Variants in FOCAD observed in about 807,000 individuals in gnomAD.
The protein encoded by FOCAD is focadhesin.
Under a neutral mutation model 225.6 loss-of-function variants are expected in FOCAD, and 198 were observed. The observed-to-expected ratio is 0.88, with a 90% CI of 0.78 to 0.99. The LOEUF is 0.99. Among genes scored for constraint, FOCAD ranks in the 50% least tolerant of loss-of-function variants. The pLI, the probability that FOCAD is intolerant of heterozygous loss-of-function variation, is 0.00. For synonymous variants in FOCAD, 897 were observed against 755.0 expected (o/e 1.19, Z -3.08); for missense variants, 2,713 against 2,123.6 (o/e 1.28, Z -5.46).
chr9:20,983,562 C>T (rs1262839405), intron 39 of FOCAD, among the ~76,000 whole-genome samples: 8 of 135,272 alleles, frequency 5.9e-5, no homozygotes, highest in African/African-American at 2.3e-4. Context: ...CAGAACGAGA[C>T]TCTGTCTCAA....
At chr9:20,657,182 C>A (rs1489089594), upstream of FOCAD, among the ~76,000 whole-genome samples, 2 of 151,796 alleles carry the variant, frequency 1.3e-5, no homozygotes, top group Non-Finnish European at 2.9e-5. Flanking sequence ...TGAGGGTAAC[C>A]TGACCTTTCT....
intron 28 of FOCAD, among the ~76,000 whole-genome samples, chr9:20,941,976 A>C (rs1309807485): frequency 6.6e-6 from 1 of 152,240 alleles, no homozygotes; most frequent in East Asian, 1.9e-4. Context: ...TAAACACATT[A>C]AAATATAGAA....
intron 24 of FOCAD, among the ~76,000 whole-genome samples, chr9:20,919,345 T>C (rs199749408): frequency 1.3e-5 from 2 of 152,184 alleles, no homozygotes; most frequent in African/African-American, 4.8e-5. Context: ...ACATTCCATG[T>C]TCCTGGGTAG....
intron 5 of FOCAD, among the ~76,000 whole-genome samples, chr9:20,752,416 A>G (rs1043650793): frequency 3.9e-5 from 6 of 152,048 alleles, no homozygotes; most frequent in African/African-American, 1.4e-4. Context: ...TAAATAGGGA[A>G]TCCTTTCCCC....
At chr9:20,913,096 G>T in intron 23 of FOCAD, 142 bp downstream of exon 23, 1 of 549,200 alleles carries the variant, frequency 1.8e-6, no homozygotes, top group Non-Finnish European at 3.2e-6. Flanking sequence ...AGAGCTGATA[G>T]GTGTATTCCC....
intron 7 of FOCAD, among the ~76,000 whole-genome samples, chr9:20,769,278 C>G (rs1210639127): frequency 6.6e-6 from 1 of 152,186 alleles, no homozygotes; most frequent in Non-Finnish European, 1.5e-5. Flanking sequence ...GTAAAAGGTA[C>G]TGCCGGTCAA....
intron 2 of FOCAD, among the ~76,000 whole-genome samples, chr9:20,677,037 A>G (rs1413034792): frequency 6.6e-6 from 1 of 152,232 alleles, no homozygotes; most frequent in Admixed American, 6.5e-5. Context: ...GCATAAAAAT[A>G]TACAGATAGG....
At chr9:20,952,948 G>A in intron 34 of FOCAD, 37 bp from the exon 35 acceptor site, 4 of 1,538,744 alleles carry the variant, frequency 2.6e-6, no homozygotes, top group South Asian at 2.2e-5. Flanking sequence ...GTCCTGCCAA[G>A]TTCACTGGTT....
intron 24 of FOCAD, among the ~76,000 whole-genome samples, chr9:20,921,487 C>G (rs1036434948): frequency 6.6e-6 from 1 of 152,134 alleles, no homozygotes; most frequent in Non-Finnish European, 1.5e-5. Context: ...TCTCCAGCTC[C>G]TCCTTGAATT....
At chr9:20,795,323 T>A (rs1401621782) in intron 11 of FOCAD, among the ~76,000 whole-genome samples, 2 of 152,240 alleles carry the variant, frequency 1.3e-5, no homozygotes, top group Non-Finnish European at 2.9e-5. Context: ...TAGGAGCTAG[T>A]TCAGGTATTC....
chr9:20,664,608 A>ATTTCT (rs199888780), intron 2 of FOCAD, among the ~76,000 whole-genome samples: 67 of 149,368 alleles, frequency 4.5e-4, no homozygotes, highest in South Asian at 1.1e-3. Flanking sequence ...TGCCAGAGTG[A>ATTTCT]TTTCTTTTCT....
Position 20,907,134 on chromosome 9 carries a change from T to A in FOCAD, c.2626-16T>A. 6.3e-7 allele frequency: 1 copy of A among 1,595,562 alleles called. No homozygotes were observed. Among genetic ancestry groups the A allele is most frequent in the South Asian group, 1.1e-5 (1 of 90,604 alleles). ...TACTGTGTAGCCTAATATGTTGTGGTACATTTTTCCCATAGGTTCATATCC... is the reference window on the plus strand; with the variant it reads ...TACTGTGTAGCCTAATATGTTGTGGAACATTTTTCCCATAGGTTCATATCC... On this transcript the variant is annotated splice_polypyrimidine_tract_variant and intron_variant, in intron 21 of 43. Transcript: ENST00000338382.
At chr9:20,751,583 G>C (rs1403300015) in intron 5 of FOCAD, among the ~76,000 whole-genome samples, 1 of 129,892 alleles carries the variant, frequency 7.7e-6, no homozygotes, top group East Asian at 2.1e-4. Flanking sequence ...TTGGTTCCAA[G>C]TCTTTGCTAT....
chr9:20,913,990 TGTG>T (rs1684908943), intron 23 of FOCAD, among the ~76,000 whole-genome samples: 1 of 151,882 alleles, frequency 6.6e-6, no homozygotes, highest in South Asian at 2.1e-4. Flanking sequence ...TTCGGCTGGA[TGTG>T]GTGGTTCATG....
chr9:20,865,549 A>C (rs540807557), intron 16 of FOCAD, among the ~76,000 whole-genome samples: 23 of 152,068 alleles, frequency 1.5e-4, no homozygotes, highest in Non-Finnish European at 3.1e-4. Flanking sequence ...TGAGTTAGTC[A>C]TGCTAGATGT....
intron 16 of FOCAD, chr9:20,863,200 T>G (rs1197804044): frequency 6.6e-6 from 1 of 152,122 alleles, no homozygotes; most frequent in Non-Finnish European, 1.5e-5. Context: ...CTTCTTTGAG[T>G]GAAATGCATG....
chr9:20,801,798 C>T (rs758384603), intron 11 of FOCAD, among the ~76,000 whole-genome samples: 12 of 152,088 alleles, frequency 7.9e-5, no homozygotes, highest in Admixed American at 7.2e-4. Flanking sequence ...CACAATTATG[C>T]TGCTACGTGA....
intron 6 of FOCAD, among the ~76,000 whole-genome samples, chr9:20,760,278 A>G (rs1403170926): frequency 6.6e-6 from 1 of 152,224 alleles, no homozygotes; most frequent in Non-Finnish European, 1.5e-5. Flanking sequence ...TTTTCATAGC[A>G]CTTACTTGTT....
intron 4 of FOCAD, among the ~76,000 whole-genome samples, chr9:20,725,795 G>A (rs1826150837): frequency 6.6e-6 from 1 of 152,206 alleles, no homozygotes; most frequent in Non-Finnish European, 1.5e-5. Flanking sequence ...GGAGTGGCTG[G>A]GAAAGGGTCT....
Sources: gnomAD v4.1 joint callset for allele counts (sites outside exome capture counted in the v4.1 genomes callset) on GRCh38, gnomAD v4.1.1 for gene constraint, MANE v1.5 for transcripts, NCBI Gene and HGNC (gene_info 2026-07-23, HGNC 2026-07-21) for gene names.